PHF21A: variants seen among roughly 807,000 people sequenced by gnomAD.
The protein encoded by PHF21A is BHC80a.
Under a neutral mutation model 82.5 loss-of-function variants are expected in PHF21A, and 11 were observed. The ratio of observed to expected loss-of-function variants is 0.13; its 90% CI spans 0.08 to 0.22. The LOEUF (loss-of-function observed/expected upper bound fraction) is 0.22. Ranked by LOEUF, PHF21A falls within the 10% of genes least tolerant of loss-of-function variation. The pLI, the probability that PHF21A is intolerant of heterozygous loss-of-function variation, is 1.00. For missense variants in PHF21A, 579 were observed against 837.8 expected, an observed-to-expected ratio of 0.69 and a Z score of 3.81; for synonymous variants, 297 against 302.8, an observed-to-expected ratio of 0.98 and a Z score of 0.20.
chr11:46,068,992 T>C (rs2096626515), intron 6 of PHF21A, among the ~76,000 whole-genome samples: 1 of 152,136 alleles, frequency 6.6e-6, no homozygotes, highest in South Asian at 2.1e-4. Context: ...AGTAAAATCT[T>C]TGACCACTTA....
At chr11:45,936,829 T>C (rs2089184144) in intron 16 of PHF21A, 1 of 402,084 alleles carries the variant, frequency 2.5e-6, no homozygotes, top group East Asian at 4.6e-5. Context: ...TGAGCATTCC[T>C]ATCTTTTCAC....
chr11:45,949,789 A>G (rs543832540), intron 12 of PHF21A, among the ~76,000 whole-genome samples: 1 of 152,372 alleles, frequency 6.6e-6, no homozygotes, highest in East Asian at 1.9e-4. Context: ...AGCTTTATCC[A>G]TAAGACTTAA....
intron 1 of PHF21A, among the ~76,000 whole-genome samples, chr11:46,100,269 TA>T (rs909351294): frequency 2.0e-3 from 297 of 146,458 alleles, no homozygotes; most frequent in East Asian, 0.011. Flanking sequence ...TAACCTTGTT[TA>T]AAAAAAAAAA....
chr11:46,067,138 T>C (rs2139689408), intron 6 of PHF21A, among the ~76,000 whole-genome samples: 1 of 152,296 alleles, frequency 6.6e-6, no homozygotes, highest in South Asian at 2.1e-4. Context: ...ATCACATTTG[T>C]TTTCAAATTT....
intron 1 of PHF21A, among the ~76,000 whole-genome samples, chr11:46,107,439 T>G (rs1288686698): frequency 6.6e-6 from 1 of 152,186 alleles, no homozygotes; most frequent in Non-Finnish European, 1.5e-5. Flanking sequence ...GAAAAGCATA[T>G]TTATGAATGC....
intron 1 of PHF21A, among the ~76,000 whole-genome samples, chr11:46,106,003 A>T (rs944384242): frequency 6.6e-6 from 1 of 152,222 alleles, no homozygotes; most frequent in Non-Finnish European, 1.5e-5. Context: ...AACATGTAAT[A>T]TACAGAAAAT....
At position 45,971,320 on chromosome 11, in the gene PHF21A, G is replaced by C. The variant is rs746891776; in HGVS notation, c.408C>G (p.Leu136=). The change falls in exon 8 of 19, where the codon CTC becomes CTG. Residue 136 remains leucine, a synonymous_variant. Transcript: ENST00000676320. ...TGGTCGCAGTTGCTGCTTTCAAGAC[G>C]AGAGGTAGTGTCTTTGTGGTAATCA... is the stretch of plus-strand genomic sequence containing the variant. ...ASMITTKTLP[L]VLKAATATMP... is the part of the protein sequence containing the mutation. 1.9e-6 allele frequency: 3 copies of C among 1,614,104 alleles called. No homozygotes were observed. Among genetic ancestry groups the C allele is most frequent in the East Asian group, 2.2e-5 (1 of 44,884 alleles).
chr11:45,929,615 C>T lies in PHF21A; in HGVS notation c.*4353G>A, dbSNP rs2087484087. The T allele has an allele frequency of 2.0e-5, 3 of 152,174 alleles. No homozygotes were observed. The highest frequency in any genetic ancestry group is 7.3e-5 in the African/African-American group (3 of 41,366). 9.4% of individuals were successfully genotyped at this position (152,174 alleles called of 1,614,324 possible). ...ACCCTGGGCTGAGGACCCACGGACA[C>T]CGGAGAGAGGTGAGGGTCCAAAGGC... On this transcript the variant is annotated 3_prime_UTR_variant, in exon 19 of 19. Coordinates refer to ENST00000676320, the MANE Select transcript of PHF21A (RefSeq NM_001352027.3).
At chr11:46,040,426 A>T (rs529749434) in intron 6 of PHF21A, among the ~76,000 whole-genome samples, 2 of 152,334 alleles carry the variant, frequency 1.3e-5, no homozygotes, top group South Asian at 4.1e-4. Flanking sequence ...TAGCAATCTA[A>T]TTATAAGTAG....
chr11:45,947,779 A>G (rs775071703), intron 14 of PHF21A, among the ~76,000 whole-genome samples: 6 of 152,104 alleles, frequency 3.9e-5, no homozygotes, highest in Non-Finnish European at 7.4e-5. Flanking sequence ...ACCAAGCACA[A>G]AACAAAACAA....
At chr11:46,095,940 T>C (rs2096989037) in intron 1 of PHF21A, among the ~76,000 whole-genome samples, 1 of 152,160 alleles carries the variant, frequency 6.6e-6, no homozygotes, top group South Asian at 2.1e-4. Flanking sequence ...GAAGATTCAA[T>C]CTCTTCTCTT....
intron 1 of PHF21A, among the ~76,000 whole-genome samples, chr11:46,105,965 T>C (rs2097148239): frequency 6.6e-6 from 1 of 152,198 alleles, no homozygotes; most frequent in Admixed American, 6.5e-5. Context: ...AATATAAGTA[T>C]TAGGCACGGA....
chr11:46,083,865 A>G (rs1183863606), intron 4 of PHF21A, among the ~76,000 whole-genome samples: 3 of 152,256 alleles, frequency 2.0e-5, no homozygotes, highest in South Asian at 4.1e-4. Flanking sequence ...TCACATGAAT[A>G]AAGTCCTTCA....
At chr11:46,095,331 T>C (rs1159782651) in intron 1 of PHF21A, among the ~76,000 whole-genome samples, 1 of 152,242 alleles carries the variant, frequency 6.6e-6, no homozygotes, top group Non-Finnish European at 1.5e-5. Flanking sequence ...TTCTTCATGT[T>C]AAGCTGGTTA....
intron 5 of PHF21A, among the ~76,000 whole-genome samples, chr11:46,078,146 T>C (rs1267969299): frequency 2.0e-5 from 3 of 152,194 alleles, no homozygotes; most frequent in Non-Finnish European, 2.9e-5. Flanking sequence ...AAGGAGAAGT[T>C]TCTCACGGAA....
rs1393948543 is a variant in PHF21A, at chr11:45,945,945, G to T, written c.1347C>A (p.Pro449=). The change falls in exon 15 of 19, where the codon CCC becomes CCA. Residue 449 remains proline, a synonymous_variant. Coordinates refer to ENST00000676320, the MANE Select transcript of PHF21A (RefSeq NM_001352027.3). ...CAGGGGAGTCAGGATGACTGGATTG[G>T]GGGGATGTTGGGGTAAGGGCTCCAA... The part of the protein sequence containing the change: ...LGFGALTPTS[P]QSSHPDSPEN... 8.7e-6 allele frequency: 14 copies of T among 1,613,636 alleles called. No homozygotes were observed. The highest frequency in any genetic ancestry group is 1.2e-5 in the Non-Finnish European group (14 of 1,179,698).
At chr11:46,012,223 T>C (rs2137421548) in intron 6 of PHF21A, among the ~76,000 whole-genome samples, 1 of 152,304 alleles carries the variant, frequency 6.6e-6, no homozygotes, top group South Asian at 2.1e-4. Context: ...AGTATTCAAA[T>C]CTTTGTCTTT....
intron 1 of PHF21A, among the ~76,000 whole-genome samples, chr11:46,114,446 G>C (rs2097263036): frequency 6.6e-6 from 1 of 152,178 alleles, no homozygotes; most frequent in African/African-American, 2.4e-5. Flanking sequence ...TCCTAACAAG[G>C]AAAGATAAGC....
intron 15 of PHF21A, among the ~76,000 whole-genome samples, chr11:45,943,107 A>C (rs1591007167): frequency 7.0e-6 from 1 of 142,088 alleles, no homozygotes; most frequent in Non-Finnish European, 1.5e-5. Flanking sequence ...TATCATCATC[A>C]TCATCTTTCT....
Sources: gnomAD v4.1 joint callset for allele counts (sites outside exome capture counted in the v4.1 genomes callset) on GRCh38, gnomAD v4.1.1 for gene constraint, MANE v1.5 for transcripts, NCBI Gene and HGNC (gene_info 2026-07-23, HGNC 2026-07-21) for gene names.